AFF4: variants seen among roughly 807,000 people sequenced by gnomAD.
AFF4 encodes ALF transcription elongation factor 4.
AFF4 carries 13 observed loss-of-function variants against 124.8 expected under a neutral mutation model. That is an observed-to-expected ratio of 0.10 (90% CI 0.07 to 0.17). AFF4 has a LOEUF of 0.17. Among genes scored for constraint, AFF4 ranks in the 10% least tolerant of loss-of-function variants. AFF4 has a pLI of 1.00. For missense variants in AFF4, 1,092 were observed against 1,403.8 expected (o/e 0.78, Z 3.55); for synonymous variants, 477 against 496.1 (o/e 0.96, Z 0.51).
At chr5:132,881,827 G>GTTT (rs749611038) in intron 20 of AFF4, among the ~76,000 whole-genome samples, 6 of 130,184 alleles carry the variant, frequency 4.6e-5, no homozygotes, top group South Asian at 2.6e-4. Flanking sequence ...ATACAAAAAA[G>GTTT]TTTTTTTTTT....
chr5:132,905,289 C>T (rs1760647003), intron 5 of AFF4, among the ~76,000 whole-genome samples: 1 of 152,168 alleles, frequency 6.6e-6, no homozygotes, highest in Non-Finnish European at 1.5e-5. Context: ...GCTTTCCAAA[C>T]TCAATTTTCA....
Position 132,899,154 on chromosome 5 carries a change from CAT to C in AFF4, c.1189-15_1189-14del. The C allele has an allele frequency of 6.2e-7, 1 of 1,610,596 alleles. No individual in the cohort carries two copies. Among genetic ancestry groups the C allele is most frequent in the Non-Finnish European group, 8.5e-7 (1 of 1,177,210 alleles). On this transcript the variant is annotated splice_polypyrimidine_tract_variant and intron_variant, in intron 8 of 20. Transcript: ENST00000265343. ...TCTTATCACAATCCTAAAATTAAAA[CAT>C]AAGAAAGAATCTGTGAATGAATAAA... is the stretch of plus-strand genomic sequence containing the variant.
Position 132,949,700 on chromosome 5 carries a change from A to ACGCGCG in AFF4, c.-4-12513_-4-12508dup, listed in dbSNP as rs34997571. On this transcript the variant is annotated intron_variant, in intron 1 of 20. Transcript: ENST00000265343. ...CCATGTGTACCACACACACACACAC[A>ACGCGCG]CGCGCGCGCGCGCGCGCCAGGCGTG... Among the ~76,000 whole-genome samples the ACGCGCG allele has an allele frequency of 6.4e-3, 940 of 146,640 alleles. 9 individuals are homozygous for ACGCGCG. Among genetic ancestry groups the ACGCGCG allele is most frequent in the African/African-American group, 0.021 (833 of 39,144 alleles).
intron 6 of AFF4, 70 bp downstream of exon 6, chr5:132,904,298 G>T: frequency 7.6e-7 from 1 of 1,308,008 alleles, no homozygotes; most frequent in Non-Finnish European, 1.1e-6. Flanking sequence ...GTTATATATG[G>T]TGTGACCATG....
chr5:132,879,897 AG>A lies in AFF4; in HGVS notation c.*1161del, dbSNP rs1169419622. 2.6e-5 allele frequency: 7 copies of A among 267,344 alleles called. No homozygotes were observed. Among genetic ancestry groups the A allele is most frequent in the Admixed American group, 5.4e-5 (1 of 18,688 alleles). The allele number at this position is 267,344 out of a possible 1,614,324, so 16.6% of individuals were successfully genotyped here. A position where few individuals can be genotyped will look rare whatever the true frequency, so the allele number is the denominator to read the frequency against. On this transcript the variant is annotated 3_prime_UTR_variant, in exon 21 of 21. Transcript: ENST00000265343. ...TTGAAGAGGGCCTTCATAATGCAAA[AG>A]GAGTAAACAGAAGATAGGTTTAAAA...
chr5:132,917,743 C>T lies in AFF4; in HGVS notation c.1050+9378G>A, dbSNP rs186237398. On this transcript the variant is annotated intron_variant, in intron 5 of 20. Coordinates refer to ENST00000265343, the MANE Select transcript of AFF4 (RefSeq NM_014423.4). ...TTTTTTTTTTTTTGAGACAGAGACT[C>T]ACCTTGTCGCCCAGGCTGGAGTGCA... Among the ~76,000 whole-genome samples the T allele has an allele frequency of 4.1e-3, 478 of 116,356 alleles. 3 individuals carry two copies. The highest frequency in any genetic ancestry group is 0.014 in the African/African-American group (451 of 32,146). 76.3% of individuals were successfully genotyped at this position (116,356 alleles called of 152,430 possible).
chr5:132,921,833 A>G (rs1438895514), intron 5 of AFF4, among the ~76,000 whole-genome samples: 1 of 151,728 alleles, frequency 6.6e-6, no homozygotes, highest in Non-Finnish European at 1.5e-5. Flanking sequence ...CAGGCTAGAG[A>G]GCAGTGGCAT....
chr5:132,929,553 A>G (rs1164617560), intron 4 of AFF4, among the ~76,000 whole-genome samples: 1 of 152,144 alleles, frequency 6.6e-6, no homozygotes, highest in Admixed American at 6.5e-5. Flanking sequence ...ATACGGGGGA[A>G]GAAGTATTTC....
rs543316964 is a variant in AFF4, at chr5:132,890,824, A to G, written c.2637+1340T>C. Among the ~76,000 whole-genome samples the G allele has an allele frequency of 4.6e-5, 7 of 152,204 alleles. No homozygotes were observed. The South Asian group carries it at 1.2e-3, about 27-fold the overall frequency. The stretch of plus-strand genomic sequence containing the variant: ...AACAAATATTTCCTCATTACCCAGC[A>G]AGTTAAGCACCGGATAAAACACAAA... On this transcript the variant is annotated intron_variant, in intron 13 of 20. Transcript: ENST00000265343.
chr5:132,934,345 G>C lies in AFF4; in HGVS notation c.720C>G (p.Pro240=). The C allele has an allele frequency of 6.2e-7, 1 of 1,614,178 alleles. No individual in the cohort carries two copies. Among genetic ancestry groups the C allele is most frequent in the Non-Finnish European group, 8.5e-7 (1 of 1,180,040 alleles). The part of the protein sequence containing the change: ...SGQHSTQSFP[P]SLMSKSNSML... ...TTGAATTGGACTTTGACATCAATGA[G>C]GGTGGGAAAGATTGAGTTGAGTGCT... The change falls in exon 3 of 21, where the codon CCC becomes CCG. Residue 240 remains proline, a synonymous_variant. Coordinates refer to ENST00000265343, the MANE Select transcript of AFF4 (RefSeq NM_014423.4).
At chr5:132,933,461 C>A (rs558262054) in intron 3 of AFF4, among the ~76,000 whole-genome samples, 1 of 151,370 alleles carries the variant, frequency 6.6e-6, no homozygotes, top group African/African-American at 2.4e-5. Flanking sequence ...GTAACCTTAG[C>A]ACTTTGAAGG....
intron 13 of AFF4, among the ~76,000 whole-genome samples, chr5:132,889,946 C>T (rs1439897987): frequency 6.6e-6 from 1 of 152,052 alleles, no homozygotes; most frequent in African/African-American, 2.4e-5. Flanking sequence ...TATGTCTATT[C>T]TGCCTCCTAT....
At position 132,899,086 on chromosome 5, in the gene AFF4, A is replaced by T. The variant is rs374407326; in HGVS notation, c.1226+18T>A. The T allele has an allele frequency of 1.2e-6, 2 of 1,611,006 alleles. No individual in the cohort carries two copies. The highest frequency in any genetic ancestry group is 2.7e-5 in the African/African-American group (2 of 74,828). ...ACCCAACTCTTACCAATAAAACAGA[A>T]AAGAAAAGGATGCCCACCTTCCTGG... On this transcript the variant is annotated intron_variant, in intron 9 of 20. Coordinates refer to ENST00000265343, the MANE Select transcript of AFF4 (RefSeq NM_014423.4).
intron 9 of AFF4, among the ~76,000 whole-genome samples, chr5:132,898,752 G>T (rs917908205): frequency 1.3e-5 from 2 of 152,202 alleles, no homozygotes; most frequent in African/African-American, 4.8e-5. Flanking sequence ...CCAAAGTGCT[G>T]GGATTACAGG....
Position 132,934,548 on chromosome 5 carries a change from G to C in AFF4, c.517C>G (p.His173Asp). ...SRKKGQHGSEHSKSRSSSPGK... is the reference protein window; with the variant it reads ...SRKKGQHGSEDSKSRSSSPGK... Reference sequence around the variant, plus strand: ...GGGCTGGAAGAACGTGATTTGGAGTGTTCTGATCCATGCTGGCCTTTTTTC... The same window carrying C: ...GGGCTGGAAGAACGTGATTTGGAGTCTTCTGATCCATGCTGGCCTTTTTTC... The change falls in exon 3 of 21, where the codon CAC becomes GAC. Residue 173 changes from histidine to aspartate, a missense_variant. By Grantham distance (81) the His-to-Asp change is moderately conservative. Around this residue, in one of 11 missense-constraint regions of AFF4, gnomAD observed 188 missense variants for 203.0 expected, o/e 0.93. Coordinates refer to ENST00000265343, the MANE Select transcript of AFF4 (RefSeq NM_014423.4). 6.2e-7 allele frequency: 1 copy of C among 1,614,140 alleles called. No homozygotes were observed. The highest frequency in any genetic ancestry group is 8.5e-7 in the Non-Finnish European group (1 of 1,180,020).
chr5:132,934,473 G>A lies in AFF4; in HGVS notation c.592C>T (p.His198Tyr). The A allele has an allele frequency of 6.2e-7, 1 of 1,614,170 alleles. No individual in the cohort carries two copies. Among genetic ancestry groups the A allele is most frequent in the South Asian group, 1.1e-5 (1 of 91,084 alleles). ...SSLNSSHSRS[H>Y]GNDHHSKEHQ... is the part of the protein sequence containing the mutation. ...TCCTTGCTATGGTGATCATTCCCAT[G>A]AGACCTGGAATGACTAGAGTTTAAT... The change falls in exon 3 of 21, where the codon CAT (histidine) becomes TAT (tyrosine). Residue 198 changes from histidine (H) to tyrosine (Y), a missense_variant. This residue lies in a region of AFF4 where 188 missense variants were observed against 203.0 expected (regional missense o/e 0.93). Transcript: ENST00000265343.
chr5:132,951,257 C>G (rs1761836717), intron 1 of AFF4, among the ~76,000 whole-genome samples: 1 of 152,016 alleles, frequency 6.6e-6, no homozygotes, highest in Admixed American at 6.6e-5. Context: ...GGCCCCACAT[C>G]TCTCTCCAGC....
At chr5:132,882,228 A>G (rs1320908419) in intron 20 of AFF4, among the ~76,000 whole-genome samples, 2 of 151,938 alleles carry the variant, frequency 1.3e-5, no homozygotes, top group African/African-American at 4.8e-5. Flanking sequence ...AAAAAAAAAA[A>G]AAAGTTGGGA....
At position 132,963,256 on chromosome 5, in the gene AFF4, T is replaced by C. The variant is rs1388539232; in HGVS notation, c.-5+3A>G. On this transcript the variant is annotated splice_donor_region_variant and intron_variant, in intron 1 of 20. Transcript: ENST00000265343. ...CCTGGGTCAGTCTGTCGGCCCTTCT[T>C]ACCTCCAGTCCCGGCTCCGCTAGGC... 1 of 393,342 alleles carries C rather than the reference T, an allele frequency of 2.5e-6. No homozygotes were observed. Among genetic ancestry groups the C allele is most frequent in the Non-Finnish European group, 4.5e-6 (1 of 223,066 alleles). 24.4% of individuals were successfully genotyped at this position (393,342 alleles called of 1,614,324 possible).
Sources: allele counts gnomAD v4.1 joint callset (sites outside exome capture counted in the v4.1 genomes callset), GRCh38; gene constraint gnomAD v4.1.1; regional missense constraint gnomAD v4.1.1; transcripts MANE v1.5; gene names NCBI Gene and HGNC (gene_info 2026-07-23, HGNC 2026-07-21).